PGM2L1: variants seen among roughly 807,000 people sequenced by gnomAD.
The protein encoded by PGM2L1 is glucose 1,6-bisphosphate synthase.
PGM2L1 carries 35 observed loss-of-function variants against 73.4 expected under a neutral mutation model. That is an observed-to-expected ratio of 0.48 (90% CI 0.36 to 0.63). The LOEUF (loss-of-function observed/expected upper bound fraction) is 0.63. PGM2L1 is among the 30% of genes least tolerant of loss of function. The pLI, the probability that PGM2L1 is intolerant of heterozygous loss-of-function variation, is 0.00. For missense variants in PGM2L1, 570 were observed against 742.0 expected, an observed-to-expected ratio of 0.77 and a Z score of 2.69; for synonymous variants, 225 against 253.8, an observed-to-expected ratio of 0.89 and a Z score of 1.08.
chr11:74,374,012 TG>T (rs1341693195), intron 2 of PGM2L1, among the ~76,000 whole-genome samples: 2 of 147,324 alleles, frequency 1.4e-5, no homozygotes, highest in African/African-American at 2.5e-5. Context: ...AAGTTTTGTG[TG>T]TGTGTGCGTT....
At chr11:74,354,314 A>G in intron 5 of PGM2L1, 1 of 509,212 alleles carries the variant, frequency 2.0e-6, no homozygotes, top group Middle Eastern at 5.0e-4. Flanking sequence ...GCAACAAAAT[A>G]TGTCCAGGAA....
At position 74,342,451 on chromosome 11, in the gene PGM2L1, AG is replaced by A; in HGVS notation, c.1632+9del. The A allele has an allele frequency of 7.1e-7, 1 of 1,400,086 alleles. No individual in the cohort carries two copies. The highest frequency in any genetic ancestry group is 9.4e-7 in the Non-Finnish European group (1 of 1,066,402). The allele number at this position is 1,400,086 out of a possible 1,614,324, so 86.7% of individuals were successfully genotyped here. On this transcript the variant is annotated intron_variant, in intron 12 of 13. Transcript: ENST00000298198. ...TTCTAAATTGTTTGGAAAAAAAAAA[AG>A]GTACTTACTGATTTCTTATTAGGCT...
intron 6 of PGM2L1, among the ~76,000 whole-genome samples, chr11:74,349,858 A>G (rs1054737818): frequency 6.6e-6 from 1 of 152,130 alleles, no homozygotes; most frequent in African/African-American, 2.4e-5. Context: ...TTATATCTAC[A>G]TCTGTAAAAT....
chr11:74,355,754 A>T lies in PGM2L1; in HGVS notation c.556-4178T>A, dbSNP rs1157184841. On this transcript the variant is annotated intron_variant, in intron 5 of 13. Coordinates refer to ENST00000298198, the MANE Select transcript of PGM2L1 (RefSeq NM_173582.6). ...CTGCCAGGAAACAAAGCTTAGCATGAGAGGAGAGCCAGAGAAGTGACAGGG... is the reference window on the plus strand; with the variant it reads ...CTGCCAGGAAACAAAGCTTAGCATGTGAGGAGAGCCAGAGAAGTGACAGGG... The T allele has an allele frequency of 1.0e-5, 5 of 479,274 alleles. 1 individual carries two copies. In the East Asian group the frequency reaches 3.0e-4, roughly 29 times the overall value. The allele number at this position is 479,274 out of a possible 1,614,324, so 29.7% of individuals were successfully genotyped here.
At chr11:74,360,292 G>A (rs955589581) in intron 5 of PGM2L1, among the ~76,000 whole-genome samples, 12 of 150,532 alleles carry the variant, frequency 8.0e-5, no homozygotes, top group African/African-American at 2.9e-4. Context: ...AAGGGAGGGA[G>A]GTAGGGAGGG....
chr11:74,387,947 T>C (rs1863040019), intron 1 of PGM2L1, among the ~76,000 whole-genome samples: 1 of 152,200 alleles, frequency 6.6e-6, no homozygotes, highest in African/African-American at 2.4e-5. Flanking sequence ...TTACTACACA[T>C]CTACATACTT....
At chr11:74,389,979 C>T (rs1863073177) in intron 1 of PGM2L1, among the ~76,000 whole-genome samples, 1 of 93,720 alleles carries the variant, frequency 1.1e-5, no homozygotes, top group South Asian at 3.8e-4. Flanking sequence ...ATTAGCCAGG[C>T]GTGGTGACGG....
intron 12 of PGM2L1, among the ~76,000 whole-genome samples, chr11:74,339,737 C>T (rs1042617868): frequency 2.0e-5 from 3 of 152,198 alleles, no homozygotes; most frequent in African/African-American, 7.2e-5. Flanking sequence ...GCAGGCCATT[C>T]TTCTCACCTC....
In PGM2L1 at chr11:74,335,062, C is replaced by G. The variant is rs1862073530; in HGVS notation, c.*1590G>C. ...GGTATTACAGATGTGAGCCACCAAG[C>G]CCAGCCTAAACAGCATTTCTCTATT... On this transcript the variant is annotated 3_prime_UTR_variant, in exon 14 of 14. Transcript: ENST00000298198. The G allele has an allele frequency of 6.6e-6, 1 of 151,984 alleles. No homozygotes were observed. Among genetic ancestry groups the G allele is most frequent in the African/African-American group, 2.4e-5 (1 of 41,360 alleles). 9.4% of individuals were successfully genotyped at this position (151,984 alleles called of 1,614,324 possible).
chr11:74,346,739 G>A lies in PGM2L1; in HGVS notation c.1030C>T (p.Gln344Ter). 6.2e-7 allele frequency: 1 copy of A among 1,612,890 alleles called. No individual in the cohort carries two copies. Among genetic ancestry groups the A allele is most frequent in the Non-Finnish European group, 8.5e-7 (1 of 1,178,962 alleles). Residue 344 changes from glutamine to a stop codon, truncating the protein, a stop_gained, in exon 8 of 14, where the codon CAG becomes TAG. Coordinates refer to ENST00000298198, the MANE Select transcript of PGM2L1 (RefSeq NM_173582.6). LOFTEE classifies it high-confidence loss of function. ...DADRLAAAEL[Q>*]ENGCWKVFTG... ...ATAACAGATTCTACATACTTCTCCT[G>A]AAGTTCTGCTGCTGCCAGTCTGTCT...
chr11:74,360,599 C>T (rs1206138339), intron 5 of PGM2L1, among the ~76,000 whole-genome samples: 1 of 152,126 alleles, frequency 6.6e-6, no homozygotes, highest in Non-Finnish European at 1.5e-5. Context: ...TGAGTCGAAG[C>T]AGGGTGACAC....
At chr11:74,379,105 T>G (rs1862901082) in intron 1 of PGM2L1, among the ~76,000 whole-genome samples, 1 of 152,202 alleles carries the variant, frequency 6.6e-6, no homozygotes, top group African/African-American at 2.4e-5. Flanking sequence ...TAAGTTTTAT[T>G]TGGCTCATGG....
At chr11:74,381,382 C>T (rs1272631512) in intron 1 of PGM2L1, among the ~76,000 whole-genome samples, 3 of 152,058 alleles carry the variant, frequency 2.0e-5, no homozygotes, top group Non-Finnish European at 4.4e-5. Context: ...AGAGAGGACT[C>T]TAAGGACCTA....
chr11:74,350,679 C>T (rs1248355337), intron 6 of PGM2L1, among the ~76,000 whole-genome samples: 1 of 152,076 alleles, frequency 6.6e-6, no homozygotes, highest in Non-Finnish European at 1.5e-5. Flanking sequence ...GAGTTCGAGA[C>T]CAGCCTGGCC....
intron 5 of PGM2L1, among the ~76,000 whole-genome samples, chr11:74,360,183 T>A (rs1385852640): frequency 6.6e-6 from 1 of 151,874 alleles, no homozygotes; most frequent in African/African-American, 2.4e-5. Flanking sequence ...TGAGCTGTGA[T>A]TGTGCCACTG....
intron 5 of PGM2L1, among the ~76,000 whole-genome samples, chr11:74,365,366 G>A (rs1862638415): frequency 6.6e-6 from 1 of 150,960 alleles, no homozygotes; most frequent in African/African-American, 2.4e-5. Flanking sequence ...TTGACAAATG[G>A]GATCTAATTA....
rs1862247617 is a variant in PGM2L1, at chr11:74,345,524, G to A, written c.1163C>T (p.Thr388Ile). ...TGCCTTCAGAATTTTAGAAGAGACTGTGGTGGCTAACATATAAACGTTCTT... is the reference window on the plus strand; with the variant it reads ...TGCCTTCAGAATTTTAGAAGAGACTATGGTGGCTAACATATAAACGTTCTT... ...DVKNVYMLAT[T>I]VSSKILKAIA... Residue 388 changes from threonine to isoleucine, a missense_variant, in exon 9 of 14, where the codon ACA (threonine) becomes ATA (isoleucine). Coordinates refer to ENST00000298198, the MANE Select transcript of PGM2L1 (RefSeq NM_173582.6). 6.2e-7 allele frequency: 1 copy of A among 1,613,238 alleles called. No individual in the cohort carries two copies. Among genetic ancestry groups the A allele is most frequent in the Non-Finnish European group, 8.5e-7 (1 of 1,179,456 alleles).
rs1862014670 is a variant in PGM2L1, at chr11:74,331,534, T to G, written c.*5118A>C. 6.6e-6 allele frequency: 1 copy of G among 152,392 alleles called. No homozygotes were observed. The highest frequency in any genetic ancestry group is 1.5e-5 in the Non-Finnish European group (1 of 68,298). 9.4% of individuals were successfully genotyped at this position (152,392 alleles called of 1,614,324 possible). A position where few individuals can be genotyped will look rare whatever the true frequency, so the allele number is the denominator to read the frequency against. ...GCTTCGGCCTCCCAAAGTGCTAGGATTACAGGCATGAGCCACCGAGCCCGG... is the reference window on the plus strand; with the variant it reads ...GCTTCGGCCTCCCAAAGTGCTAGGAGTACAGGCATGAGCCACCGAGCCCGG... On this transcript the variant is annotated 3_prime_UTR_variant, in exon 14 of 14. Coordinates refer to ENST00000298198, the MANE Select transcript of PGM2L1 (RefSeq NM_173582.6).
In PGM2L1 at chr11:74,375,502, A is replaced by C. The variant is rs182385937; in HGVS notation, c.112-920T>G. Among the ~76,000 whole-genome samples the C allele has an allele frequency of 1.1e-3, 174 of 152,340 alleles. 1 individual carries two copies. The highest frequency in any genetic ancestry group is 6.3e-3 in the Admixed American group (97 of 15,298). ...AACATAACTTCTCTCTTCAAGATTA[A>C]TATGAATTCAGTCCATTCTATTTGC... On this transcript the variant is annotated intron_variant, in intron 1 of 13. Coordinates refer to ENST00000298198, the MANE Select transcript of PGM2L1 (RefSeq NM_173582.6).
Sources: gnomAD v4.1 joint callset for allele counts (sites outside exome capture counted in the v4.1 genomes callset) on GRCh38, gnomAD v4.1.1 for gene constraint, MANE v1.5 for transcripts, NCBI Gene and HGNC (gene_info 2026-07-23, HGNC 2026-07-21) for gene names.